DAB1: variants seen among roughly 807,000 people sequenced by gnomAD.
The protein encoded by DAB1 is disabled homolog 1.
DAB1 carries 15 observed loss-of-function variants against 64.6 expected under a neutral mutation model. The observed-to-expected ratio is 0.23, with a 90% confidence interval of 0.16 to 0.36. DAB1 has a LOEUF of 0.36. Ranked by LOEUF, DAB1 falls within the 10% of genes least tolerant of loss-of-function variation. The pLI is 1.00. For missense variants in DAB1, 596 were observed against 706.7 expected (o/e 0.84, Z 1.78); for synonymous variants, 235 against 251.9 (o/e 0.93, Z 0.64).
intron 3 of DAB1, among the ~76,000 whole-genome samples, chr1:58,475,624 G>T (rs1224329643): frequency 6.6e-6 from 1 of 152,118 alleles, no homozygotes; most frequent in Non-Finnish European, 1.5e-5. Flanking sequence ...TTTTGGAAGT[G>T]ACCTCTCTTA....
At chr1:57,322,880 T>C (rs942421490) in intron 1 of DAB1, among the ~76,000 whole-genome samples, 9 of 152,092 alleles carry the variant, frequency 5.9e-5, no homozygotes, top group Non-Finnish European at 1.3e-4. Context: ...ACCAAGTAAA[T>C]CAGAACCTCT....
intron 3 of DAB1, among the ~76,000 whole-genome samples, chr1:58,488,470 A>T (rs1442805131): frequency 6.6e-6 from 1 of 151,928 alleles, no homozygotes; most frequent in Admixed American, 6.5e-5. Flanking sequence ...TTTTTTTTTG[A>T]GACAGAGTTT....
chr1:57,033,631 AT>A, intron 9 of DAB1: 2 of 1,508,714 alleles, frequency 1.3e-6, no homozygotes, highest in Middle Eastern at 1.7e-4. Flanking sequence ...AATGACATGG[AT>A]TTATGAGTTT....
At chr1:57,030,492 C>T (rs1202580714) in intron 9 of DAB1, among the ~76,000 whole-genome samples, 1 of 152,156 alleles carries the variant, frequency 6.6e-6, no homozygotes, top group Non-Finnish European at 1.5e-5. Flanking sequence ...TGGCCAGAGG[C>T]CCAGAACAGA....
At chr1:57,964,611 C>G (rs1570100252) in intron 5 of DAB1, among the ~76,000 whole-genome samples, 2 of 152,160 alleles carry the variant, frequency 1.3e-5, no homozygotes, top group African/African-American at 4.8e-5. Context: ...TTTGACATTA[C>G]AATTGTTTAC....
At chr1:58,021,205 C>G (rs1465236385) in intron 5 of DAB1, among the ~76,000 whole-genome samples, 4 of 152,362 alleles carry the variant, frequency 2.6e-5, no homozygotes, top group Non-Finnish European at 5.9e-5. Flanking sequence ...GGGGTGGACA[C>G]TGGAAGTCCC....
At chr1:57,778,270 A>G (rs1350093253) in intron 6 of DAB1, among the ~76,000 whole-genome samples, 3 of 151,980 alleles carry the variant, frequency 2.0e-5, no homozygotes, top group African/African-American at 7.2e-5. Flanking sequence ...TTGTCTGTAC[A>G]CCAATTTCTT....
intron 7 of DAB1, among the ~76,000 whole-genome samples, chr1:57,437,217 C>T (rs1329145221): frequency 6.6e-6 from 1 of 151,988 alleles, no homozygotes; most frequent in Admixed American, 6.6e-5. Flanking sequence ...GAGTTCTTGT[C>T]CACAAGCTGT....
At chr1:58,396,995 G>A (rs61779029) in intron 3 of DAB1, among the ~76,000 whole-genome samples, 5,550 of 151,966 alleles carry the variant, frequency 0.037, 119 homozygotes, top group Non-Finnish European at 0.042. Context: ...AACCCGGGAG[G>A]CGGAGCTTGC....
At chr1:58,250,996 T>G (rs562520270) in intron 4 of DAB1, among the ~76,000 whole-genome samples, 1 of 152,368 alleles carries the variant, frequency 6.6e-6, no homozygotes, top group South Asian at 2.1e-4. Context: ...GTGTCGGCAC[T>G]GAAGCAGGCA....
intron 6 of DAB1, among the ~76,000 whole-genome samples, chr1:57,723,924 G>A (rs1647178787): frequency 6.6e-6 from 1 of 151,972 alleles, no homozygotes; most frequent in Non-Finnish European, 1.5e-5. Context: ...TCATATTCAA[G>A]AAAAAAACCT....
At chr1:57,145,564 G>T in intron 2 of DAB1, 135 bp from the exon 3 acceptor site, 3 of 812,472 alleles carry the variant, frequency 3.7e-6, no homozygotes, top group Non-Finnish European at 5.7e-6. Flanking sequence ...CAGGAGAAAA[G>T]AATAGCAGTA....
intron 1 of DAB1, among the ~76,000 whole-genome samples, chr1:58,544,506 T>C (rs1267236971): frequency 6.6e-6 from 1 of 152,256 alleles, no homozygotes; most frequent in East Asian, 1.9e-4. Flanking sequence ...TTTCACCTTA[T>C]ATATTTCTGT....
intron 9 of DAB1, chr1:57,033,522 C>T: frequency 6.2e-7 from 1 of 1,612,856 alleles, no homozygotes; most frequent in Non-Finnish European, 8.5e-7. Context: ...GTAATTCTTA[C>T]CGGGGTGGCT....
chr1:57,827,075 CTTTATTG>C (rs1477451423), intron 1 of DAB1, among the ~76,000 whole-genome samples: 1 of 152,074 alleles, frequency 6.6e-6, no homozygotes, highest in Non-Finnish European at 1.5e-5. Flanking sequence ...TATGGTAACT[CTTTATTG>C]TTTAATATAA....
intron 3 of DAB1, among the ~76,000 whole-genome samples, chr1:58,375,056 C>T (rs1225899668): frequency 7.1e-6 from 1 of 141,376 alleles, no homozygotes; most frequent in African/African-American, 2.7e-5. Context: ...GCTGAAGTTG[C>T]TTATCAGCTT....
intron 6 of DAB1, among the ~76,000 whole-genome samples, chr1:57,741,616 A>G (rs1647998941): frequency 6.6e-6 from 1 of 152,242 alleles, no homozygotes; most frequent in Non-Finnish European, 1.5e-5. Context: ...AAGTAGGTGA[A>G]GGGAGTGAAA....
At chr1:58,239,687 C>G (rs932962207) in intron 4 of DAB1, among the ~76,000 whole-genome samples, 1 of 152,136 alleles carries the variant, frequency 6.6e-6, no homozygotes, top group Non-Finnish European at 1.5e-5. Context: ...TTGCAGGGGG[C>G]TGATTTTCCC....
chr1:58,026,089 T>C (rs1319788624), intron 5 of DAB1, among the ~76,000 whole-genome samples: 1 of 152,150 alleles, frequency 6.6e-6, no homozygotes, highest in Non-Finnish European at 1.5e-5. Flanking sequence ...CCCTCAAGAA[T>C]AGGGACTTCT....
Sources: allele counts gnomAD v4.1 joint callset (sites outside exome capture counted in the v4.1 genomes callset), GRCh38; gene constraint gnomAD v4.1.1; transcripts MANE v1.5; gene names NCBI Gene and HGNC (gene_info 2026-07-23, HGNC 2026-07-21).